CAMTA1: variants seen among roughly 807,000 people sequenced by gnomAD.
The protein encoded by CAMTA1 is calmodulin binding transcription activator 1.
A neutral mutation model predicts 170.9 loss-of-function variants in CAMTA1; 27 were observed. The observed-to-expected ratio is 0.16, with a 90% CI of 0.12 to 0.22. The LOEUF (loss-of-function observed/expected upper bound fraction) is 0.22, where lower values mean the gene tolerates loss of function less well. Among genes scored for constraint, CAMTA1 ranks in the 10% least tolerant of loss-of-function variants. CAMTA1 has a pLI of 1.00. For synonymous variants in CAMTA1, 833 were observed against 891.5 expected (o/e 0.93, Z 1.17); for missense variants, 1,619 against 2,217.2 (o/e 0.73, Z 5.42).
intron 4 of CAMTA1, among the ~76,000 whole-genome samples, chr1:7,217,992 T>G (rs1660056727): frequency 6.6e-6 from 1 of 152,232 alleles, no homozygotes; most frequent in African/African-American, 2.4e-5. Context: ...TCTAGAAGAT[T>G]CCTTCAGAGG....
At chr1:6,907,905 A>G (rs1248394167) in intron 3 of CAMTA1, among the ~76,000 whole-genome samples, 1 of 152,028 alleles carries the variant, frequency 6.6e-6, no homozygotes, top group East Asian at 1.9e-4. Flanking sequence ...CCTGCCCATC[A>G]CAGTGCCCAC....
intron 7 of CAMTA1, among the ~76,000 whole-genome samples, chr1:7,661,274 T>C (rs1271647609): frequency 6.6e-6 from 1 of 152,168 alleles, no homozygotes; most frequent in Non-Finnish European, 1.5e-5. Flanking sequence ...GGAGAGGCAT[T>C]GGTCCTCCCG....
Position 7,063,175 on chromosome 1 carries a change from G to A in CAMTA1, c.235-28129G>A, listed in dbSNP as rs10864269. Among the ~76,000 whole-genome samples, 112,743 of 152,076 alleles carry A rather than the reference G, an allele frequency of 0.74. 43,013 individuals are homozygous for A. Among genetic ancestry groups the A allele is most frequent in the African/African-American group, 0.93 (38,599 of 41,532 alleles). On this transcript the variant is annotated intron_variant, in intron 3 of 22. Coordinates refer to ENST00000303635, the MANE Select transcript of CAMTA1 (RefSeq NM_015215.4). The surrounding 1 kb of genome is among the most constrained non-coding windows in gnomAD (Gnocchi z 4.3). ...TTCCCAGCATCTCTGGCAGGATGCTGATCGGATAACCAGTGCCCGAAAAAA... is the reference window on the plus strand; with the variant it reads ...TTCCCAGCATCTCTGGCAGGATGCTAATCGGATAACCAGTGCCCGAAAAAA...
rs1362915578 is a variant in CAMTA1 at position 7,276,340 on chromosome 1, T to C, written c.438+26714T>C. ...TTTTTTTCTTTTTGAGACAGAATCT[T>C]GCTCTGTCACCCAGGCTGGAGTGCA... On this transcript the variant is annotated intron_variant, in intron 5 of 22. Transcript: ENST00000303635. Among the ~76,000 whole-genome samples the C allele has an allele frequency of 2.2e-5, 3 of 138,650 alleles. No individual in the cohort carries two copies. In the East Asian group the frequency reaches 6.3e-4, roughly 29 times the overall value. 91.0% of individuals were successfully genotyped at this position (138,650 alleles called of 152,430 possible).
chr1:7,694,727 G>A (rs1179826622), intron 11 of CAMTA1: 1 of 152,488 alleles, frequency 6.6e-6, no homozygotes, highest in Non-Finnish European at 1.5e-5. Context: ...CCTGTGCTGG[G>A]GGCTGGGAGG....
chr1:7,677,860 A>G, intron 11 of CAMTA1, 127 bp downstream of exon 11: 1 of 1,118,684 alleles, frequency 8.9e-7, no homozygotes, highest in Non-Finnish European at 1.2e-6. Flanking sequence ...ATGTGAGCAA[A>G]GGAAGGCCGA....
intron 6 of CAMTA1, among the ~76,000 whole-genome samples, chr1:7,498,396 AATGTGT>A (rs927082472): frequency 1.4e-5 from 2 of 147,464 alleles, no homozygotes; most frequent in African/African-American, 5.0e-5. Flanking sequence ...TGTGTGAGTG[AATGTGT>A]ATGAGTGTGT....
At chr1:6,875,626 C>A (rs998395983) in intron 3 of CAMTA1, among the ~76,000 whole-genome samples, 16 of 152,058 alleles carry the variant, frequency 1.1e-4, no homozygotes, top group African/African-American at 3.9e-4. Flanking sequence ...TCTGAAGGCC[C>A]CTAGCTGGCT....
intron 3 of CAMTA1, among the ~76,000 whole-genome samples, chr1:7,016,974 A>G (rs1206165854): frequency 6.6e-6 from 1 of 152,112 alleles, no homozygotes; most frequent in Non-Finnish European, 1.5e-5. Flanking sequence ...CTGCCTACTC[A>G]CCTTTCTGTC....
chr1:7,715,841 C>G (rs748179523), intron 11 of CAMTA1, among the ~76,000 whole-genome samples: 1 of 152,158 alleles, frequency 6.6e-6, no homozygotes, highest in Non-Finnish European at 1.5e-5. Flanking sequence ...GGAGCCGAGA[C>G]ATGAAAGAAT....
rs1250861131 is a variant in CAMTA1 at position 7,561,403 on chromosome 1, G to A, written c.511-78997G>A. 6.6e-6 allele frequency among the ~76,000 whole-genome samples: 1 copy of A among 151,924 alleles called. No individual in the cohort carries two copies. The highest frequency in any genetic ancestry group is 2.0e-4 in the East Asian group (1 of 5,122). ...CAGGCCAATGGGCCAGGCAGGTGGG[G>A]CAGGAGCCTCCTCTTGGGAGTCACA... On this transcript the variant is annotated intron_variant, in intron 6 of 22. Coordinates refer to ENST00000303635, the MANE Select transcript of CAMTA1 (RefSeq NM_015215.4). This position sits in a 1 kb window ranked among gnomAD's most constrained non-coding sequence, Gnocchi z 5.3.
intron 3 of CAMTA1, among the ~76,000 whole-genome samples, chr1:7,086,422 T>A (rs541180407): frequency 6.6e-6 from 1 of 152,250 alleles, no homozygotes; most frequent in East Asian, 1.9e-4. Context: ...TCCTTCTTCT[T>A]TTTATTTTTA....
chr1:7,686,226 G>C (rs1327401721), intron 11 of CAMTA1, among the ~76,000 whole-genome samples: 1 of 152,172 alleles, frequency 6.6e-6, no homozygotes. Context: ...CAAACAAGAT[G>C]CAAAGGAAAC....
chr1:6,995,285 T>TTTTTCTTTTCTTTTCTTTTTTTTC (rs1353760014), intron 3 of CAMTA1, among the ~76,000 whole-genome samples: 1 of 140,166 alleles, frequency 7.1e-6, no homozygotes, highest in East Asian at 2.1e-4. Flanking sequence ...TAAAATCTTT[T>TTTTTCTTTTCTTTTCTTTTTTTTC]TTTTCTTTTC....
Position 6,885,452 on chromosome 1 carries a change from A to G in CAMTA1, c.234+60242A>G, listed in dbSNP as rs568925998. ...TTAGAATGCTCAAACCATCCAAAGT[A>G]TAACATTTAAACTTGCAGTTCATTC... On this transcript the variant is annotated intron_variant, in intron 3 of 22. Coordinates refer to ENST00000303635, the MANE Select transcript of CAMTA1 (RefSeq NM_015215.4). 1.2e-3 allele frequency among the ~76,000 whole-genome samples: 187 copies of G among 152,344 alleles called. 5 individuals are homozygous for G. In the South Asian group the frequency reaches 0.038, roughly 31 times the overall value.
chr1:7,071,848 G>C (rs910214776), intron 3 of CAMTA1, among the ~76,000 whole-genome samples: 3 of 152,178 alleles, frequency 2.0e-5, no homozygotes, highest in Non-Finnish European at 4.4e-5. Context: ...CCTCCTGCCT[G>C]GGGGGCCATT....
chr1:7,720,930 A>G (rs2096645626), intron 11 of CAMTA1, among the ~76,000 whole-genome samples: 1 of 152,138 alleles, frequency 6.6e-6, no homozygotes, highest in Non-Finnish European at 1.5e-5. Context: ...TGGACAGGTG[A>G]TAAAGCTGCT....
At chr1:6,904,930 C>G (rs1678046281) in intron 3 of CAMTA1, among the ~76,000 whole-genome samples, 1 of 151,880 alleles carries the variant, frequency 6.6e-6, no homozygotes, top group Non-Finnish European at 1.5e-5. Context: ...AACACTCCGA[C>G]TCGCTGTGTG....
At chr1:6,926,626 T>C in intron 3 of CAMTA1, among the ~76,000 whole-genome samples, 1 of 142,560 alleles carries the variant, frequency 7.0e-6, no homozygotes, top group African/African-American at 2.6e-5. Context: ...CTTTCTCCCC[T>C]CCCCTCCTCT....
Sources: gnomAD v4.1 joint callset for allele counts (sites outside exome capture counted in the v4.1 genomes callset) on GRCh38, gnomAD v4.1.1 for gene constraint, Gnocchi (gnomAD v3.1) non-coding constraint, MANE v1.5 for transcripts, NCBI Gene and HGNC (gene_info 2026-07-23, HGNC 2026-07-21) for gene names.